Variants in SH3RF2 observed in about 807,000 individuals in gnomAD.
SH3RF2 encodes E3 ubiquitin-protein ligase SH3RF2.
Under a neutral mutation model 59.0 loss-of-function variants are expected in SH3RF2, and 43 were observed. That is an observed-to-expected ratio of 0.73 (90% CI 0.57 to 0.94). The LOEUF (loss-of-function observed/expected upper bound fraction) is 0.94. SH3RF2 is among the 40% of genes least tolerant of loss of function. SH3RF2 has a pLI of 0.00. For missense variants in SH3RF2, 930 were observed against 940.1 expected (o/e 0.99, Z 0.14); for synonymous variants, 391 against 391.5 (o/e 1.00, Z 0.01).
chr5:145,972,338 T>C (rs1208263042), intron 2 of SH3RF2, among the ~76,000 whole-genome samples: 1 of 152,218 alleles, frequency 6.6e-6, no homozygotes, highest in African/African-American at 2.4e-5. Flanking sequence ...GCAAAGGCTC[T>C]GTTTCTACTC....
chr5:145,952,880 A>T (rs1758246337), intron 2 of SH3RF2, among the ~76,000 whole-genome samples: 1 of 152,182 alleles, frequency 6.6e-6, no homozygotes, highest in Admixed American at 6.5e-5. Flanking sequence ...GGGAAACAGT[A>T]TAAAACCCAG....
chr5:145,997,104 G>T lies in SH3RF2; in HGVS notation c.379-2954G>T, dbSNP rs187127205. On this transcript the variant is annotated intron_variant, in intron 2 of 9. Coordinates refer to ENST00000359120, the MANE Select transcript of SH3RF2 (RefSeq NM_152550.4). ...TTACACAGGTAAACTCGTATCACGGGCATTTGTTGTGCAGGTTATTTCATC... is the reference window on the plus strand; with the variant it reads ...TTACACAGGTAAACTCGTATCACGGTCATTTGTTGTGCAGGTTATTTCATC... 1.5e-5 allele frequency: 9 copies of T among 607,998 alleles called. No individual in the cohort carries two copies. The East Asian group carries it at 2.5e-4, about 17-fold the overall frequency. The allele number at this position is 607,998 out of a possible 1,614,324, so 37.7% of individuals were successfully genotyped here.
chr5:146,024,498 T>C (rs1047971176), intron 5 of SH3RF2, among the ~76,000 whole-genome samples: 32 of 152,358 alleles, frequency 2.1e-4, no homozygotes, highest in African/African-American at 7.2e-4. Context: ...CTTGCAATTT[T>C]TTCTTTCATT....
chr5:146,026,045 G>A (rs1233047343), intron 5 of SH3RF2, among the ~76,000 whole-genome samples: 1 of 152,142 alleles, frequency 6.6e-6, no homozygotes, highest in Admixed American at 6.6e-5. Context: ...CACAGGGAAT[G>A]GGCCAAACGT....
At chr5:145,948,867 A>G (rs562454276) in intron 2 of SH3RF2, among the ~76,000 whole-genome samples, 1 of 152,274 alleles carries the variant, frequency 6.6e-6, no homozygotes, top group Non-Finnish European at 1.5e-5. Context: ...TCTCTTTTCT[A>G]CTAGACTATA....
intron 4 of SH3RF2, 68 bp from the exon 5 acceptor site, chr5:146,013,679 G>A: frequency 6.4e-7 from 1 of 1,567,998 alleles, no homozygotes; most frequent in Non-Finnish European, 8.7e-7. Flanking sequence ...AGATGTACAT[G>A]GGTAGGAACT....
chr5:145,996,904 G>A (rs1362843907), intron 2 of SH3RF2, among the ~76,000 whole-genome samples: 5 of 152,124 alleles, frequency 3.3e-5, no homozygotes, highest in Admixed American at 2.6e-4. Context: ...GGGATGATGC[G>A]TGTCTATCTC....
intron 5 of SH3RF2, among the ~76,000 whole-genome samples, chr5:146,035,171 T>C (rs1021842726): frequency 5.3e-5 from 8 of 151,828 alleles, no homozygotes; most frequent in African/African-American, 9.7e-5. Flanking sequence ...GATTTTTTTT[T>C]CTCTTTTTTA....
chr5:146,061,233 T>A (rs1375407790), intron 9 of SH3RF2, among the ~76,000 whole-genome samples: 4 of 152,150 alleles, frequency 2.6e-5, no homozygotes, highest in Non-Finnish European at 5.9e-5. Flanking sequence ...AAATGGCAGC[T>A]CAGGGAGTTA....
intron 2 of SH3RF2, chr5:145,997,911 G>A: frequency 1.2e-6 from 1 of 865,502 alleles, no homozygotes; most frequent in Admixed American, 1.7e-5. Flanking sequence ...CACCAAATCA[G>A]AATCCACCTC....
At chr5:146,041,197 G>A (rs1194943723) in intron 5 of SH3RF2, among the ~76,000 whole-genome samples, 2 of 152,134 alleles carry the variant, frequency 1.3e-5, no homozygotes, top group African/African-American at 2.4e-5. Flanking sequence ...TGACCATGGG[G>A]CCCATGTATA....
Position 146,048,987 on chromosome 5 carries a change from G to A in SH3RF2, c.1152-88G>A, listed in dbSNP as rs910646512. The A allele has an allele frequency of 7.4e-6, 11 of 1,478,580 alleles. No individual in the cohort carries two copies. In the African/African-American group the frequency reaches 8.3e-5, roughly 11 times the overall value. 91.6% of individuals were successfully genotyped at this position (1,478,580 alleles called of 1,614,324 possible). Reference sequence around the variant, plus strand: ...AGAAGGTTCTTATTGCTAACCACTGGGCAGTCTCTCTCCACCATTCCCCCA... The same window carrying A: ...AGAAGGTTCTTATTGCTAACCACTGAGCAGTCTCTCTCCACCATTCCCCCA... On this transcript the variant is annotated intron_variant, in intron 6 of 9. Coordinates refer to ENST00000359120, the MANE Select transcript of SH3RF2 (RefSeq NM_152550.4).
intron 2 of SH3RF2, among the ~76,000 whole-genome samples, chr5:145,968,231 T>C (rs1191597757): frequency 6.6e-6 from 1 of 152,206 alleles, no homozygotes; most frequent in African/African-American, 2.4e-5. Context: ...TGGCTAACAA[T>C]ATTTATGCCC....
At chr5:146,074,483 C>T (rs944448859) in intron 9 of SH3RF2, among the ~76,000 whole-genome samples, 6 of 151,974 alleles carry the variant, frequency 3.9e-5, no homozygotes, top group Admixed American at 3.3e-4. Flanking sequence ...GCATTCAGGA[C>T]TGTGAGATCT....
intron 9 of SH3RF2, among the ~76,000 whole-genome samples, chr5:146,072,828 TG>T (rs1763266851): frequency 6.6e-6 from 1 of 152,230 alleles, no homozygotes; most frequent in African/African-American, 2.4e-5. Context: ...CGTGTTTCCC[TG>T]CTGTGTCATC....
downstream of SH3RF2, among the ~76,000 whole-genome samples, chr5:146,066,376 G>A (rs1283225618): frequency 1.3e-5 from 2 of 152,166 alleles, no homozygotes; most frequent in Non-Finnish European, 2.9e-5. Flanking sequence ...TCTTACATAG[G>A]AATAATACAG....
chr5:145,988,156 T>G (rs1759789160), intron 2 of SH3RF2, among the ~76,000 whole-genome samples: 1 of 152,182 alleles, frequency 6.6e-6, no homozygotes, highest in East Asian at 1.9e-4. Flanking sequence ...TACCAGAGAC[T>G]TGCTGTCCAG....
chr5:146,076,314 G>A (rs1191139436), intron 9 of SH3RF2, among the ~76,000 whole-genome samples: 3 of 152,068 alleles, frequency 2.0e-5, no homozygotes, highest in South Asian at 4.2e-4. Flanking sequence ...AGATCAAAGC[G>A]GCCATCTCTG....
chr5:145,954,402 TG>T (rs1316359714), intron 2 of SH3RF2, among the ~76,000 whole-genome samples: 1 of 152,228 alleles, frequency 6.6e-6, no homozygotes, highest in Non-Finnish European at 1.5e-5. Flanking sequence ...TTAATAGGGT[TG>T]TTTGTTTTTC....
Sources: gnomAD v4.1 joint callset for allele counts (sites outside exome capture counted in the v4.1 genomes callset) on GRCh38, gnomAD v4.1.1 for gene constraint, MANE v1.5 for transcripts, NCBI Gene and HGNC (gene_info 2026-07-23, HGNC 2026-07-21) for gene names.